DYNLT2: variants seen among roughly 807,000 people sequenced by gnomAD.
DYNLT2 encodes dynein light chain Tctex-type 2, also known as dynein light chain Tctex-type protein 2.
In DYNLT2, 24 loss-of-function variants were observed where a neutral mutation model predicts 24.3. The ratio of observed to expected loss-of-function variants is 0.99; its 90% CI spans 0.71 to 1.39. The LOEUF is 1.39. Among genes scored for constraint, DYNLT2 ranks in the 40% most tolerant of loss-of-function variants. The pLI, the probability that DYNLT2 is intolerant of heterozygous loss-of-function variation, is 0.00. For synonymous variants in DYNLT2, 85 were observed against 85.4 expected, an observed-to-expected ratio of 1.00 and a Z score of 0.03; for missense variants, 246 against 234.5, an observed-to-expected ratio of 1.05 and a Z score of -0.32.
Position 169,740,299 on chromosome 6 carries a change from T to C in DYNLT2, c.487-4A>G. 1 of 1,604,106 alleles carries C rather than the reference T, an allele frequency of 6.2e-7. No individual in the cohort carries two copies. The highest frequency in any genetic ancestry group is 8.5e-7 in the Non-Finnish European group (1 of 1,171,638). On this transcript the variant is annotated splice_region_variant and splice_polypyrimidine_tract_variant and intron_variant, in intron 3 of 3. Transcript: ENST00000366774. ...CCCAGATCCATCTGCTGGCAATCTGTGAGAGAAATTTTGTAAAGACCAACT... is the reference window on the plus strand; with the variant it reads ...CCCAGATCCATCTGCTGGCAATCTGCGAGAGAAATTTTGTAAAGACCAACT...
chr6:169,736,969 C>T (rs1204800528), downstream of DYNLT2, among the ~76,000 whole-genome samples: 1 of 151,098 alleles, frequency 6.6e-6, no homozygotes, highest in Non-Finnish European at 1.5e-5. Context: ...GTAGGTTTGG[C>T]CTTTTTATGA....
intron 1 of DYNLT2, chr6:169,750,065 T>C (rs1462901616): frequency 1.3e-5 from 2 of 152,220 alleles, no homozygotes; most frequent in Non-Finnish European, 2.9e-5. Context: ...CCATATCAAA[T>C]ACTAATAATT....
chr6:169,751,310 C>G (rs1356788427), intron 1 of DYNLT2, 29 bp downstream of exon 1: 8 of 1,604,750 alleles, frequency 5.0e-6, no homozygotes, highest in African/African-American at 1.3e-5. Flanking sequence ...ACATAGCCGT[C>G]TCGGGCCCCT....
At chr6:169,728,823 A>T in the DYNLT2 span, among the ~76,000 whole-genome samples, 9 of 152,312 alleles carry the variant, frequency 5.9e-5, no homozygotes, top group Non-Finnish European at 1.3e-4. Flanking sequence ...TTCTGTCTTG[A>T]AAAATTGTTA....
In DYNLT2 at chr6:169,751,319, C is replaced by G; in HGVS notation, c.120+20G>C. 1 of 1,610,584 alleles carries G rather than the reference C, an allele frequency of 6.2e-7. No individual in the cohort carries two copies. Among genetic ancestry groups the G allele is most frequent in the South Asian group, 1.1e-5 (1 of 90,800 alleles). ...GGTCGGACATAGCCGTCTCGGGCCC[C>G]TAGCAGTCTCCGCACTCACTGCCTC... On this transcript the variant is annotated intron_variant, in intron 1 of 3. Transcript: ENST00000366774.
At chr6:169,743,573 G>A (rs1044787576) in intron 2 of DYNLT2, among the ~76,000 whole-genome samples, 9 of 152,096 alleles carry the variant, frequency 5.9e-5, no homozygotes, top group South Asian at 2.1e-4. Context: ...CTTAGGTAAA[G>A]GAAAGAAACC....
chr6:169,751,213 A>G, intron 1 of DYNLT2, 126 bp downstream of exon 1: 1 of 1,416,608 alleles, frequency 7.1e-7, no homozygotes, highest in Non-Finnish European at 9.4e-7. Context: ...GAAAAAAGAA[A>G]CACAAAAGGG....
At chr6:169,750,362 T>G (rs1440187026) in intron 1 of DYNLT2, 1 of 152,268 alleles carries the variant, frequency 6.6e-6, no homozygotes, top group Non-Finnish European at 1.5e-5. Context: ...TCTGCTCTTT[T>G]TCTTAGCTGT....
chr6:169,725,197 G>C, the DYNLT2 span: 1 of 398,710 alleles, frequency 2.5e-6, no homozygotes, highest in Admixed American at 4.4e-5. Flanking sequence ...GGGGCGGCCC[G>C]CCGTACAGCT....
At chr6:169,738,201 C>A (rs1198526002), downstream of DYNLT2, among the ~76,000 whole-genome samples, 1 of 152,184 alleles carries the variant, frequency 6.6e-6, no homozygotes, top group African/African-American at 2.4e-5. Context: ...TGGGTGCTGC[C>A]CTTCCCCTAC....
the DYNLT2 span, among the ~76,000 whole-genome samples, chr6:169,730,754 C>T: frequency 3.9e-5 from 6 of 152,046 alleles, no homozygotes; most frequent in African/African-American, 7.2e-5. Context: ...AAAAATTAGC[C>T]GGGCATGGTG....
the DYNLT2 span, among the ~76,000 whole-genome samples, chr6:169,727,572 G>GC: frequency 5.3e-5 from 8 of 150,500 alleles, no homozygotes; most frequent in East Asian, 2.0e-4. Flanking sequence ...TTGTTTTTTT[G>GC]TTTTTTTTTG....
At chr6:169,725,622 A>T in the DYNLT2 span, 2 of 288,100 alleles carry the variant, frequency 6.9e-6, no homozygotes, top group East Asian at 5.7e-5. Context: ...TGATCAGGGT[A>T]GAGTTTAGCG....
downstream of DYNLT2, chr6:169,740,089 A>G (rs1789642718): frequency 1.2e-6 from 1 of 819,016 alleles, no homozygotes. Context: ...GAATAAGAAT[A>G]TAGCAAATCA....
At chr6:169,741,894 G>A (rs1789687500) in intron 3 of DYNLT2, among the ~76,000 whole-genome samples, 1 of 152,054 alleles carries the variant, frequency 6.6e-6, no homozygotes, top group South Asian at 2.1e-4. Flanking sequence ...CATATGTGGT[G>A]CAGCTTCTCT....
intron 2 of DYNLT2, among the ~76,000 whole-genome samples, chr6:169,743,477 G>A (rs1268249425): frequency 6.6e-6 from 1 of 152,116 alleles, no homozygotes. Flanking sequence ...CAAGCTGTAA[G>A]TTGTAATTTA....
intron 3 of DYNLT2, among the ~76,000 whole-genome samples, 188 bp from the exon 4 acceptor site, chr6:169,740,483 T>C (rs1328529832): frequency 6.6e-6 from 1 of 152,218 alleles, no homozygotes; most frequent in African/African-American, 2.4e-5. Context: ...ATCCTTCTTC[T>C]TTACCGGAGG....
At chr6:169,725,405 A>T in the DYNLT2 span, 1 of 398,050 alleles carries the variant, frequency 2.5e-6, no homozygotes, top group African/African-American at 2.1e-5. Context: ...CGCTCAGTCC[A>T]GCCTGACTCA....
At chr6:169,742,347 A>C (rs969376175) in intron 3 of DYNLT2, among the ~76,000 whole-genome samples, 8 of 152,342 alleles carry the variant, frequency 5.3e-5, no homozygotes, top group African/African-American at 1.9e-4. Context: ...CAGGCTGTTT[A>C]CATTATCCCT....
Sources: gnomAD v4.1 joint callset for allele counts (sites outside exome capture counted in the v4.1 genomes callset) on GRCh38, gnomAD v4.1.1 for gene constraint, MANE v1.5 for transcripts, NCBI Gene and HGNC (gene_info 2026-07-23, HGNC 2026-07-21) for gene names.